Variants in NPAS3 observed in about 807,000 individuals in gnomAD.
The protein encoded by NPAS3 is neuronal PAS domain protein 3, also known as neuronal PAS domain-containing protein 3.
A neutral mutation model predicts 73.1 loss-of-function variants in NPAS3; 14 were observed. That is an observed-to-expected ratio of 0.19 (90% CI 0.13 to 0.30). The LOEUF is 0.30. Ranked by LOEUF, NPAS3 falls within the 10% of genes least tolerant of loss-of-function variation. The pLI, the probability that NPAS3 is intolerant of heterozygous loss-of-function variation, is 1.00. For missense variants in NPAS3, 1,096 were observed against 1,250.0 expected, an observed-to-expected ratio of 0.88 and a Z score of 1.86; for synonymous variants, 620 against 541.5, an observed-to-expected ratio of 1.14 and a Z score of -2.01.
At chr14:33,193,332 C>T (rs115376912) in intron 2 of NPAS3, among the ~76,000 whole-genome samples, 8 of 152,014 alleles carry the variant, frequency 5.3e-5, no homozygotes, top group East Asian at 1.9e-4. Flanking sequence ...GTGCCCACTT[C>T]GGGAAATCCC....
intron 5 of NPAS3, among the ~76,000 whole-genome samples, chr14:33,580,202 A>G (rs1047914704): frequency 6.7e-6 from 1 of 150,210 alleles, no homozygotes; most frequent in Admixed American, 6.6e-5. Flanking sequence ...ATGGGCTTAC[A>G]TATGCACAAA....
intron 4 of NPAS3, among the ~76,000 whole-genome samples, chr14:33,391,395 G>T (rs2046998807): frequency 2.0e-5 from 3 of 152,098 alleles, no homozygotes; most frequent in South Asian, 2.1e-4. Flanking sequence ...GTTTCTCTAT[G>T]TTGGTTAGGC....
intron 4 of NPAS3, among the ~76,000 whole-genome samples, chr14:33,493,605 G>A (rs1311695377): frequency 2.0e-5 from 3 of 152,148 alleles, no homozygotes; most frequent in African/African-American, 2.4e-5. Flanking sequence ...CAAGCAAAGA[G>A]ATGGTGTGTA....
chr14:33,308,527 T>TATACACACAC lies in NPAS3; in HGVS notation c.386-58658_386-58657insTACACACACA. ...TGCATAGTTTATATATATATATATA[T>TATACACACAC]ACATACACACACACACACACACACA... On this transcript the variant is annotated intron_variant, in intron 3 of 11. Coordinates refer to ENST00000356141, the Ensembl canonical transcript of NPAS3. Among the ~76,000 whole-genome samples the TATACACACAC allele has an allele frequency of 2.0e-4, 21 of 103,712 alleles. 1 individual carries two copies. The East Asian group carries it at 3.1e-3, about 16-fold the overall frequency. 68.0% of individuals were successfully genotyped at this position (103,712 alleles called of 152,430 possible). A position where few individuals can be genotyped will look rare whatever the true frequency, so the allele number is the denominator to read the frequency against.
chr14:33,346,527 CAA>C (rs33926266), intron 3 of NPAS3, among the ~76,000 whole-genome samples: 11 of 70,900 alleles, frequency 1.6e-4, no homozygotes, highest in Non-Finnish European at 2.2e-4. Flanking sequence ...GACCCTGTCT[CAA>C]AAAAAAAAAA....
intron 4 of NPAS3, among the ~76,000 whole-genome samples, chr14:33,506,698 T>C (rs1175254848): frequency 6.6e-6 from 1 of 152,068 alleles, no homozygotes; most frequent in Non-Finnish European, 1.5e-5. Context: ...GTTAACTCTT[T>C]ATTGTGATTA....
At chr14:33,544,272 C>CTT (rs2054677438) in intron 4 of NPAS3, among the ~76,000 whole-genome samples, 1 of 151,934 alleles carries the variant, frequency 6.6e-6, no homozygotes, top group African/African-American at 2.4e-5. Context: ...CCTCCCAAAG[C>CTT]ACTGGGATTA....
intron 3 of NPAS3, among the ~76,000 whole-genome samples, chr14:33,362,382 C>T (rs1342335199): frequency 1.3e-5 from 2 of 152,206 alleles, no homozygotes; most frequent in Non-Finnish European, 2.9e-5. Context: ...ATACATACCT[C>T]ATGAACTTCT....
intron 2 of NPAS3, among the ~76,000 whole-genome samples, chr14:33,084,644 T>C (rs2041963484): frequency 6.6e-6 from 1 of 152,134 alleles, no homozygotes; most frequent in Non-Finnish European, 1.5e-5. Context: ...AAGGGAATCC[T>C]GGGGACCTGT....
chr14:33,420,434 C>T (rs1190574616), intron 4 of NPAS3, among the ~76,000 whole-genome samples: 1 of 151,882 alleles, frequency 6.6e-6, no homozygotes, highest in Non-Finnish European at 1.5e-5. Context: ...TGTCTCCAGA[C>T]TCAGTAAAGA....
intron 1 of NPAS3, among the ~76,000 whole-genome samples, chr14:32,993,547 A>T (rs1037037738): frequency 1.3e-5 from 2 of 152,232 alleles, no homozygotes; most frequent in Non-Finnish European, 2.9e-5. Context: ...AGACCTAGAA[A>T]TGACCACTGA....
intron 4 of NPAS3, among the ~76,000 whole-genome samples, chr14:33,486,916 G>A (rs2051632040): frequency 6.6e-6 from 1 of 152,138 alleles, no homozygotes; most frequent in South Asian, 2.1e-4. Flanking sequence ...AGCCGCCTTG[G>A]CCTCCTATTG....
At chr14:33,059,357 C>T (rs946274499) in intron 2 of NPAS3, among the ~76,000 whole-genome samples, 6 of 152,088 alleles carry the variant, frequency 3.9e-5, no homozygotes, top group African/African-American at 1.4e-4. Flanking sequence ...TATTTTAAAA[C>T]GTCTATAATT....
intron 5 of NPAS3, among the ~76,000 whole-genome samples, chr14:33,652,557 G>C (rs114817595): frequency 0.01 from 1,559 of 152,232 alleles, 31 homozygotes; most frequent in African/African-American, 0.036. Context: ...ATGTCACAGG[G>C]GACCGCCGGC....
At chr14:33,699,995 C>G (rs893645399) in intron 6 of NPAS3, among the ~76,000 whole-genome samples, 2 of 152,140 alleles carry the variant, frequency 1.3e-5, no homozygotes, top group Non-Finnish European at 2.9e-5. Context: ...TACTGTAAAT[C>G]ATGGAAAGTT....
At chr14:33,642,698 G>A (rs1022721144) in intron 5 of NPAS3, among the ~76,000 whole-genome samples, 6 of 152,156 alleles carry the variant, frequency 3.9e-5, no homozygotes, top group African/African-American at 1.4e-4. Context: ...GGGGATACCA[G>A]TGTGCACCTA....
chr14:33,051,296 A>AG (rs1555328993), intron 1 of NPAS3, among the ~76,000 whole-genome samples: 2 of 142,578 alleles, frequency 1.4e-5, no homozygotes, highest in African/African-American at 2.8e-5. Flanking sequence ...AAAAAAAAAA[A>AG]AGAGAGACTA....
chr14:33,325,356 A>T (rs1172066554), intron 3 of NPAS3, among the ~76,000 whole-genome samples: 1 of 152,110 alleles, frequency 6.6e-6, no homozygotes, highest in African/African-American at 2.4e-5. Context: ...TAAAATGTAC[A>T]ATTGGCTGGG....
chr14:33,221,065 G>A (rs2047407404), intron 3 of NPAS3, among the ~76,000 whole-genome samples: 1 of 152,208 alleles, frequency 6.6e-6, no homozygotes, highest in African/African-American at 2.4e-5. Flanking sequence ...CTCAGCGGGT[G>A]CCTCTGCTTT....
Sources: allele counts gnomAD v4.1 joint callset (sites outside exome capture counted in the v4.1 genomes callset), GRCh38; gene constraint gnomAD v4.1.1; transcripts MANE v1.5; gene names NCBI Gene and HGNC (gene_info 2026-07-23, HGNC 2026-07-21).